The following GOLGA2 variants were observed in gnomAD, a reference collection of about 807,000 sequenced individuals.
The protein encoded by GOLGA2 is golgin subfamily A member 2.
GOLGA2 carries 49 observed loss-of-function variants against 148.8 expected under a neutral mutation model. That is an observed-to-expected ratio of 0.33 (90% CI 0.26 to 0.42). The LOEUF is 0.42. Ranked by LOEUF, GOLGA2 falls within the 10% of genes least tolerant of loss-of-function variation. The pLI, the probability that GOLGA2 is intolerant of heterozygous loss-of-function variation, is 1.00. For synonymous variants in GOLGA2, 501 were observed against 511.8 expected (o/e 0.98, Z 0.28); for missense variants, 1,178 against 1,304.6 (o/e 0.90, Z 1.49).
rs77168744 is a variant in GOLGA2, at chr9:128,256,263, T to C, written c.*804A>G. The C allele has an allele frequency of 5.8e-3, 885 of 152,330 alleles. 7 individuals carry two copies. The highest frequency in any genetic ancestry group is 0.031 in the Middle Eastern group (9 of 294). The allele number at this position is 152,330 out of a possible 1,614,324, so 9.4% of individuals were successfully genotyped here. A position where few individuals can be genotyped will look rare whatever the true frequency, so the allele number is the denominator to read the frequency against. On this transcript the variant is annotated 3_prime_UTR_variant, in exon 27 of 27. Transcript: ENST00000611957. The stretch of plus-strand genomic sequence containing the variant: ...ATTATATGAGCCTCTGGCTATTAAA[T>C]AACAATCATCATCATCCAGAAATTT...
intron 3 of GOLGA2, among the ~76,000 whole-genome samples, chr9:128,269,538 C>T (rs1040984779): frequency 2.6e-5 from 4 of 152,188 alleles, no homozygotes; most frequent in Non-Finnish European, 4.4e-5. Context: ...CATGTGGAGC[C>T]TCTCCCTTGC....
intron 13 of GOLGA2, 67 bp downstream of exon 13, chr9:128,262,967 C>A (rs1286794506): frequency 5.5e-6 from 6 of 1,092,516 alleles, no homozygotes; most frequent in South Asian, 1.2e-5. Context: ...CCTGTACCCC[C>A]CACCTCCCAG....
rs746185041 is a variant in GOLGA2 at position 128,263,104 on chromosome 9, G to A, written c.934-12C>T. On this transcript the variant is annotated splice_polypyrimidine_tract_variant and intron_variant, in intron 12 of 26. Coordinates refer to ENST00000611957, the MANE Select transcript of GOLGA2 (RefSeq NM_001366244.2). ...AACTCCTTGTTGTACTGTAAATACA[G>A]AAAGGTTAAGTCAGGATATAGCAGG... The A allele has an allele frequency of 2.2e-5, 35 of 1,591,034 alleles. No homozygotes were observed. In the East Asian group the frequency reaches 7.8e-4, roughly 35 times the overall value.
chr9:128,274,324 G>A (rs543944680), intron 1 of GOLGA2, among the ~76,000 whole-genome samples: 6 of 152,196 alleles, frequency 3.9e-5, no homozygotes, highest in South Asian at 2.1e-4. Flanking sequence ...CTGGTTTCAC[G>A]CACTAATTAC....
At position 128,257,828 on chromosome 9, in the gene GOLGA2, T is replaced by C; in HGVS notation, c.2573A>G (p.His858Arg). The change falls in exon 24 of 27, where the codon CAT becomes CGT. Residue 858 changes from histidine (H) to arginine (R), a missense_variant. Around this residue, in one of 5 missense-constraint regions of GOLGA2, gnomAD observed 529 missense variants for 521.8 expected, o/e 1.01. Coordinates refer to ENST00000611957, the MANE Select transcript of GOLGA2 (RefSeq NM_001366244.2). The surrounding 1 kb of genome is among the most constrained non-coding windows in gnomAD (Gnocchi z 8.0). ...DLKERVEELE[H>R]RCIQLSGETD... ...CTCTCCAGAAAGCTGGATGCAGCGATGTTCCAGTTCCTCTACCCTCTCCTT... is the reference window on the plus strand; with the variant it reads ...CTCTCCAGAAAGCTGGATGCAGCGACGTTCCAGTTCCTCTACCCTCTCCTT... 1 of 1,614,194 alleles carries C rather than the reference T, an allele frequency of 6.2e-7. No homozygotes were observed. The highest frequency in any genetic ancestry group is 8.5e-7 in the Non-Finnish European group (1 of 1,180,012).
At chr9:128,262,052 T>G in intron 14 of GOLGA2, 1 of 380,000 alleles carries the variant, frequency 2.6e-6, no homozygotes, top group Non-Finnish European at 4.8e-6. Flanking sequence ...AATACAAAAA[T>G]TAGCCAGGCA....
At chr9:128,259,416 G>A (rs1030496309) in intron 19 of GOLGA2, 25 bp from the exon 20 acceptor site, 13 of 1,431,340 alleles carry the variant, frequency 9.1e-6, no homozygotes, top group Admixed American at 4.0e-5. Context: ...TGGGCGTGAG[G>A]GCAGGTGGTG....
intron 12 of GOLGA2, 136 bp downstream of exon 12, chr9:128,265,449 C>T (rs1830532020): frequency 2.6e-6 from 2 of 764,622 alleles, no homozygotes; most frequent in African/African-American, 3.4e-5. Flanking sequence ...CTCTAGCAAC[C>T]ACACACAAAA....
intron 12 of GOLGA2, among the ~76,000 whole-genome samples, chr9:128,264,394 C>CTGTATGATACATACAGCA (rs1830470163): frequency 6.7e-6 from 1 of 149,422 alleles, no homozygotes; most frequent in South Asian, 2.1e-4. Flanking sequence ...GCCATCATGC[C>CTGTATGATACATACAGCA]TGGCTAATTT....
Position 128,261,304 on chromosome 9 carries a change from G to T in GOLGA2, c.1333-45C>A. 1 of 1,474,630 alleles carries T rather than the reference G, an allele frequency of 6.8e-7. No individual in the cohort carries two copies. The highest frequency in any genetic ancestry group is 9.5e-7 in the Non-Finnish European group (1 of 1,053,706). The allele number at this position is 1,474,630 out of a possible 1,614,324, so 91.3% of individuals were successfully genotyped here. On this transcript the variant is annotated intron_variant, in intron 16 of 26. Coordinates refer to ENST00000611957, the MANE Select transcript of GOLGA2 (RefSeq NM_001366244.2). The surrounding 1 kb of genome is among the most constrained non-coding windows in gnomAD (Gnocchi z 5.7). ...AAAGGGCCCTGGAGAGGGGCTGGTG[G>T]CTGGACAGGCTACCATCTCCCTCTG...
Position 128,271,709 on chromosome 9 carries a change from C to T in GOLGA2, c.288+1076G>A, listed in dbSNP as rs1238264816. ...TGGAGTCCATTTGGAACCAACCTCC[C>T]CCCGAGCTGAGCATTTGGAATGTTC... On this transcript the variant is annotated intron_variant, in intron 3 of 26. Coordinates refer to ENST00000611957, the MANE Select transcript of GOLGA2 (RefSeq NM_001366244.2). The surrounding 1 kb of genome is among the most constrained non-coding windows in gnomAD (Gnocchi z 4.4). Among the ~76,000 whole-genome samples the T allele has an allele frequency of 6.6e-6, 1 of 152,196 alleles. No homozygotes were observed. Among genetic ancestry groups the T allele is most frequent in the East Asian group, 1.9e-4 (1 of 5,204 alleles).
At position 128,274,884 on chromosome 9, in the gene GOLGA2, G is replaced by T. The variant is rs150876026; in HGVS notation, c.85-912C>A. ...CAAGTACCCCAGGTTGAGATGATAT[G>T]AGGAAGATTCAAGCTGTCAAGTTCA... On this transcript the variant is annotated intron_variant, in intron 1 of 26. Coordinates refer to ENST00000611957, the MANE Select transcript of GOLGA2 (RefSeq NM_001366244.2). Among the ~76,000 whole-genome samples the T allele has an allele frequency of 1.2e-3, 179 of 152,312 alleles. 8 individuals carry two copies. The East Asian group carries it at 0.028, about 23-fold the overall frequency.
chr9:128,267,314 G>C (rs750349436), intron 7 of GOLGA2, 40 bp from the exon 8 acceptor site: 36 of 1,474,410 alleles, frequency 2.4e-5, no homozygotes, highest in Middle Eastern at 1.8e-4. Flanking sequence ...AGGAGGATTG[G>C]GGGGAGAGGT....
intron 1 of GOLGA2, 42 bp from the exon 2 acceptor site, chr9:128,274,014 C>T: frequency 6.3e-7 from 1 of 1,591,486 alleles, no homozygotes; most frequent in East Asian, 2.2e-5. Flanking sequence ...GATCTACAAG[C>T]CCCCACAGTT....
rs1281644280 is a variant in GOLGA2, at chr9:128,271,980, A to T, written c.288+805T>A. On this transcript the variant is annotated intron_variant, in intron 3 of 26. Coordinates refer to ENST00000611957, the MANE Select transcript of GOLGA2 (RefSeq NM_001366244.2). The surrounding 1 kb of genome is among the most constrained non-coding windows in gnomAD (Gnocchi z 4.4). Reference sequence around the variant, plus strand: ...AATAGCTTCAATCCTTCCAACTATAATGTGAACTCATTTTCTTTTAACCCT... The same window carrying T: ...AATAGCTTCAATCCTTCCAACTATATTGTGAACTCATTTTCTTTTAACCCT... 3.3e-5 allele frequency among the ~76,000 whole-genome samples: 5 copies of T among 151,578 alleles called. No individual in the cohort carries two copies. Among genetic ancestry groups the T allele is most frequent in the African/African-American group, 1.2e-4 (5 of 41,246 alleles).
At chr9:128,262,902 A>C in intron 13 of GOLGA2, 132 bp downstream of exon 13, 1 of 811,698 alleles carries the variant, frequency 1.2e-6, no homozygotes, top group Admixed American at 1.9e-5. Flanking sequence ...CACAGCTGGC[A>C]CTAGAGCTTT....
Position 128,258,906 on chromosome 9 carries a change from A to G in GOLGA2, c.2173+101T>C. 1 of 846,106 alleles carries G rather than the reference A, an allele frequency of 1.2e-6. No individual in the cohort carries two copies. Among genetic ancestry groups the G allele is most frequent in the Non-Finnish European group, 2.0e-6 (1 of 507,904 alleles). The allele number at this position is 846,106 out of a possible 1,614,324, so 52.4% of individuals were successfully genotyped here. ...TGGACACCCAGTTGGCATAATGACCAGCTGTTCTAAAGGTCTCTTCCAACT... is the reference window on the plus strand; with the variant it reads ...TGGACACCCAGTTGGCATAATGACCGGCTGTTCTAAAGGTCTCTTCCAACT... On this transcript the variant is annotated intron_variant, in intron 21 of 26. Coordinates refer to ENST00000611957, the MANE Select transcript of GOLGA2 (RefSeq NM_001366244.2). This position sits in a 1 kb window ranked among gnomAD's most constrained non-coding sequence, Gnocchi z 6.6.
At position 128,275,965 on chromosome 9, in the gene GOLGA2, T is replaced by C. The variant is rs754013673; in HGVS notation, c.12A>G (p.Gln4=). Residue 4 remains glutamine, a synonymous_variant, in exon 1 of 27, where the codon CAA becomes CAG. Coordinates refer to ENST00000611957, the MANE Select transcript of GOLGA2 (RefSeq NM_001366244.2). MWP[Q]PRLPPRPAMS... ...TCGCGGGGCGGGGAGGGAGGCGGGG[T>C]TGGGGCCACATCAGCGCGATCCCGG... 6.3e-6 allele frequency: 10 copies of C among 1,590,312 alleles called. 1 individual carries two copies. The Admixed American group carries it at 1.3e-4, about 20-fold the overall frequency.
In GOLGA2 at chr9:128,265,975, A is replaced by G. The variant is rs1830573220; in HGVS notation, c.727T>C (p.Leu243=). ...ACTTCACACCCTCCACTCACCTGTA[A>G]CTGCTCCCTTAGGGCTCCCTGCTTT... ...HQKQGALREQ[L]QVHIQTIGIL... is the part of the protein sequence containing the mutation. The change falls in exon 10 of 27, where the codon TTA becomes CTA. Residue 243 remains leucine, a synonymous_variant. Coordinates refer to ENST00000611957, the MANE Select transcript of GOLGA2 (RefSeq NM_001366244.2). 1 of 1,613,028 alleles carries G rather than the reference A, an allele frequency of 6.2e-7. No homozygotes were observed. The highest frequency in any genetic ancestry group is 1.3e-5 in the African/African-American group (1 of 74,920).
Sources: gnomAD v4.1 joint callset for allele counts (sites outside exome capture counted in the v4.1 genomes callset) on GRCh38, gnomAD v4.1.1 for gene constraint, gnomAD v4.1.1 regional missense constraint, Gnocchi (gnomAD v3.1) non-coding constraint, MANE v1.5 for transcripts, NCBI Gene and HGNC (gene_info 2026-07-23, HGNC 2026-07-21) for gene names.